Variants in MSRA observed in about 807,000 individuals in gnomAD.
MSRA encodes the protein mitochondrial peptide methionine sulfoxide reductase.
In MSRA, 54 loss-of-function variants were observed where a neutral mutation model predicts 31.3. The observed-to-expected ratio is 1.73, with a 90% CI of 1.39 to 2.17. The LOEUF (loss-of-function observed/expected upper bound fraction) is 2.17, where lower values mean the gene tolerates loss of function less well. Ranked by LOEUF, MSRA falls within the 30% of genes most tolerant of loss-of-function variation. The pLI is 0.00. For synonymous variants in MSRA, 169 were observed against 116.5 expected (o/e 1.45, Z -2.90); for missense variants, 507 against 300.9 (o/e 1.69, Z -5.07).
At chr8:10,180,514 A>G (rs1420761656) in intron 1 of MSRA, among the ~76,000 whole-genome samples, 1 of 152,126 alleles carries the variant, frequency 6.6e-6, no homozygotes, top group Non-Finnish European at 1.5e-5. Flanking sequence ...CCAATCCTCT[A>G]ATGACCTAGT....
intron 3 of MSRA, among the ~76,000 whole-genome samples, chr8:10,258,427 A>G (rs1563278459): frequency 6.6e-6 from 1 of 152,094 alleles, no homozygotes; most frequent in East Asian, 1.9e-4. Flanking sequence ...ACTAGGTGAG[A>G]TTTTCCTTGA....
intron 5 of MSRA, among the ~76,000 whole-genome samples, chr8:10,344,917 T>G (rs564362648): frequency 9.8e-5 from 15 of 152,302 alleles, no homozygotes; most frequent in African/African-American, 3.1e-4. Flanking sequence ...TAATTGTTCT[T>G]GTGATTCTGT....
At chr8:10,334,528 C>T (rs1000542047) in intron 5 of MSRA, among the ~76,000 whole-genome samples, 2 of 152,074 alleles carry the variant, frequency 1.3e-5, no homozygotes, top group Non-Finnish European at 2.9e-5. Context: ...GTTTGCGTTT[C>T]AAATTCCCGT....
intron 2 of MSRA, among the ~76,000 whole-genome samples, chr8:10,221,436 G>GTGTA (rs1554494852): frequency 8.6e-5 from 12 of 138,814 alleles, no homozygotes; most frequent in Non-Finnish European, 1.3e-4. Flanking sequence ...GTATATATGT[G>GTGTA]TATATATACA....
At chr8:10,311,035 T>G (rs1801405821) in intron 4 of MSRA, among the ~76,000 whole-genome samples, 3 of 152,170 alleles carry the variant, frequency 2.0e-5, no homozygotes, top group Admixed American at 2.0e-4. Flanking sequence ...GCTGAAATGG[T>G]ATGAAATCAC....
intron 2 of MSRA, among the ~76,000 whole-genome samples, chr8:10,225,558 A>G (rs1810925831): frequency 6.6e-6 from 1 of 152,240 alleles, no homozygotes; most frequent in South Asian, 2.1e-4. Flanking sequence ...TTGCGGAAGA[A>G]CTAATTTTAA....
chr8:10,155,000 T>A (rs79669079), intron 1 of MSRA, among the ~76,000 whole-genome samples: 1 of 98,378 alleles, frequency 1.0e-5, no homozygotes, highest in Admixed American at 1.0e-4. Flanking sequence ...TGTGTATATA[T>A]TTTATATATA....
chr8:10,263,446 C>A (rs532269568), intron 3 of MSRA, among the ~76,000 whole-genome samples: 1 of 152,236 alleles, frequency 6.6e-6, no homozygotes, highest in African/African-American at 2.4e-5. Context: ...TATGTGTGCA[C>A]GTTCAGACAA....
chr8:10,373,743 A>G (rs1193801020), intron 5 of MSRA, among the ~76,000 whole-genome samples: 1 of 152,242 alleles, frequency 6.6e-6, no homozygotes, highest in Non-Finnish European at 1.5e-5. Flanking sequence ...TGGGGAGATC[A>G]AGTGGGACAG....
At chr8:10,389,755 T>G (rs1806615835) in intron 5 of MSRA, among the ~76,000 whole-genome samples, 1 of 149,446 alleles carries the variant, frequency 6.7e-6, no homozygotes, top group African/African-American at 2.5e-5. Flanking sequence ...TTTTTTTTTT[T>G]TTTAAAGTCT....
chr8:10,244,348 G>A (rs1474469074), intron 2 of MSRA, among the ~76,000 whole-genome samples: 9 of 152,196 alleles, frequency 5.9e-5, no homozygotes, highest in Admixed American at 2.6e-4. Context: ...GCGTGAGTGT[G>A]TGTGCTCTTG....
intron 1 of MSRA, among the ~76,000 whole-genome samples, chr8:10,075,430 T>A (rs866898969): frequency 2.0e-5 from 3 of 152,358 alleles, no homozygotes; most frequent in Middle Eastern, 3.4e-3. Context: ...CGACTGTGTA[T>A]GTGTGTCCAG....
intron 5 of MSRA, among the ~76,000 whole-genome samples, chr8:10,392,829 C>G (rs975098818): frequency 1.4e-5 from 2 of 143,202 alleles, no homozygotes; most frequent in African/African-American, 5.3e-5. Context: ...GGCGTATCAC[C>G]AGGTCAGGAG....
At chr8:10,412,452 A>G (rs1318390588) in intron 5 of MSRA, among the ~76,000 whole-genome samples, 1 of 152,250 alleles carries the variant, frequency 6.6e-6, no homozygotes, top group Non-Finnish European at 1.5e-5. Flanking sequence ...CAGAGATATT[A>G]CATGTGATAT....
intron 5 of MSRA, among the ~76,000 whole-genome samples, chr8:10,367,850 T>C (rs1209411785): frequency 6.6e-6 from 1 of 152,158 alleles, no homozygotes; most frequent in Non-Finnish European, 1.5e-5. Flanking sequence ...AGGAAGGCGT[T>C]CTAGTTTGCC....
intron 1 of MSRA, among the ~76,000 whole-genome samples, chr8:10,168,578 C>G (rs1044708559): frequency 6.6e-6 from 1 of 152,098 alleles, no homozygotes; most frequent in Non-Finnish European, 1.5e-5. Flanking sequence ...TAGCAAAACC[C>G]CTATACGATA....
intron 5 of MSRA, among the ~76,000 whole-genome samples, chr8:10,396,678 C>T (rs1807116557): frequency 6.6e-6 from 1 of 152,180 alleles, no homozygotes; most frequent in African/African-American, 2.4e-5. Context: ...TTGTCTCTTT[C>T]CCCAAGGGAA....
At position 10,188,650 on chromosome 8, in the gene MSRA, T is replaced by TGCTGAAAATGGG. The variant is rs574987541; in HGVS notation, c.143-19175_143-19174insTGGGGCTGAAAA. Among the ~76,000 whole-genome samples, 43 of 152,328 alleles carry TGCTGAAAATGGG rather than the reference T, an allele frequency of 2.8e-4. 1 individual carries two copies. In the South Asian group the frequency reaches 8.7e-3, roughly 31 times the overall value. On this transcript the variant is annotated intron_variant, in intron 1 of 5. Coordinates refer to ENST00000317173, the MANE Select transcript of MSRA (RefSeq NM_012331.5). Reference sequence around the variant, plus strand: ...GATATACAGTTGTTCCAGCACCATTTGCTGAAAAGACTGTCCTTTCCTGAT... The same window carrying TGCTGAAAATGGG: ...GATATACAGTTGTTCCAGCACCATTTGCTGAAAATGGGGCTGAAAAGACTGTCCTTTCCTGAT...
chr8:10,375,351 G>T (rs377438737), intron 5 of MSRA, among the ~76,000 whole-genome samples: 2 of 152,240 alleles, frequency 1.3e-5, no homozygotes. Flanking sequence ...AGCTGGTATG[G>T]ATCTTTGGCC....
Sources: allele counts gnomAD v4.1 joint callset (sites outside exome capture counted in the v4.1 genomes callset), GRCh38; gene constraint gnomAD v4.1.1; transcripts MANE v1.5; gene names NCBI Gene and HGNC (gene_info 2026-07-23, HGNC 2026-07-21).